The following SOS1 variants were observed in gnomAD, a reference collection of about 807,000 sequenced individuals.
The protein encoded by SOS1 is son of sevenless homolog 1.
In SOS1, 25 loss-of-function variants were observed where a neutral mutation model predicts 157.6. The observed-to-expected ratio is 0.16, with a 90% confidence interval of 0.12 to 0.22. The LOEUF is 0.22. SOS1 is among the 10% of genes least tolerant of loss of function. The probability of loss-of-function intolerance (pLI) is 1.00; values close to 1 mark genes in which losing one functional copy is unlikely to be tolerated. For synonymous variants in SOS1, 528 were observed against 534.0 expected, an observed-to-expected ratio of 0.99 and a Z score of 0.16; for missense variants, 1,237 against 1,599.1, an observed-to-expected ratio of 0.77 and a Z score of 3.86.
chr2:39,073,897 A>C (rs1671871100), intron 1 of SOS1, among the ~76,000 whole-genome samples: 1 of 152,210 alleles, frequency 6.6e-6, no homozygotes, highest in Admixed American at 6.5e-5. Flanking sequence ...TTTATTTAAA[A>C]ATATAAAGAC....
At chr2:39,010,959 G>GC (rs1406845050) in intron 14 of SOS1, among the ~76,000 whole-genome samples, 29 of 146,482 alleles carry the variant, frequency 2.0e-4, no homozygotes, top group African/African-American at 7.4e-4. Context: ...ACAATGGCAT[G>GC]ATCTTGGCTC....
In SOS1 at chr2:38,985,657, G is replaced by T. The variant is rs1668532961; in HGVS notation, c.*167C>A. ...TCTAAACTGGAATACCATTTCCATT[G>T]TATAATTACATCTAGGTTAAAATTC... On this transcript the variant is annotated 3_prime_UTR_variant, in exon 23 of 23. Coordinates refer to ENST00000402219, the MANE Select transcript of SOS1 (RefSeq NM_005633.4). 2 of 795,914 alleles carry T rather than the reference G, an allele frequency of 2.5e-6. No homozygotes were observed. Among genetic ancestry groups the T allele is most frequent in the Non-Finnish European group, 4.2e-6 (2 of 477,170 alleles). 49.3% of individuals were successfully genotyped at this position (795,914 alleles called of 1,614,324 possible).
At chr2:39,070,350 A>G (rs1333126204) in intron 1 of SOS1, among the ~76,000 whole-genome samples, 2 of 151,658 alleles carry the variant, frequency 1.3e-5, no homozygotes, top group East Asian at 3.9e-4. Context: ...CATTTCTGAA[A>G]CTCTTTCCTT....
chr2:38,982,405 T>C lies in SOS1; in HGVS notation c.*3419A>G, dbSNP rs1668427225. The C allele has an allele frequency of 6.6e-6, 1 of 152,172 alleles. No individual in the cohort carries two copies. The highest frequency in any genetic ancestry group is 1.5e-5 in the Non-Finnish European group (1 of 68,012). The allele number at this position is 152,172 out of a possible 1,614,324, so 9.4% of individuals were successfully genotyped here. A position where few individuals can be genotyped will look rare whatever the true frequency, so the allele number is the denominator to read the frequency against. On this transcript the variant is annotated 3_prime_UTR_variant, in exon 23 of 23. Coordinates refer to ENST00000402219, the MANE Select transcript of SOS1 (RefSeq NM_005633.4). ...TGAGATGTTTCAAAGAAGAAAAATATTGAATAAAGTCATCATGTTCCCTTA... is the reference window on the plus strand; with the variant it reads ...TGAGATGTTTCAAAGAAGAAAAATACTGAATAAAGTCATCATGTTCCCTTA...
intron 20 of SOS1, among the ~76,000 whole-genome samples, chr2:38,989,624 T>C (rs1325209930): frequency 6.6e-6 from 1 of 152,142 alleles, no homozygotes; most frequent in Admixed American, 6.5e-5. Context: ...AAAGTTCAGC[T>C]GGATGTATAT....
At chr2:39,116,090 T>C (rs1301194964) in intron 1 of SOS1, among the ~76,000 whole-genome samples, 1 of 152,274 alleles carries the variant, frequency 6.6e-6, no homozygotes, top group East Asian at 1.9e-4. Flanking sequence ...GCTTCATCTA[T>C]ATTTATGGCT....
intron 15 of SOS1, among the ~76,000 whole-genome samples, chr2:39,009,830 A>C (rs143356882): frequency 1.9e-3 from 287 of 152,316 alleles, no homozygotes; most frequent in South Asian, 8.1e-3. Flanking sequence ...GCTGATTCTG[A>C]TAAGATGTGT....
intron 13 of SOS1, 97 bp from the exon 14 acceptor site, chr2:39,012,445 G>GT (rs1456622029): frequency 2.2e-6 from 1 of 451,828 alleles, no homozygotes; most frequent in African/African-American, 2.1e-5. Context: ...ACACCTGAAT[G>GT]TATCTTTGCT....
rs1202752569 is a variant in SOS1, at chr2:39,013,782, C to T, written c.2063+85G>A. 5 of 1,195,362 alleles carry T rather than the reference C, an allele frequency of 4.2e-6. No homozygotes were observed. In the African/African-American group the frequency reaches 6.0e-5, roughly 14 times the overall value. 74.0% of individuals were successfully genotyped at this position (1,195,362 alleles called of 1,614,324 possible). On this transcript the variant is annotated intron_variant, in intron 12 of 22. Transcript: ENST00000402219. ...TACTAATTTTATTGTCACCCCTCTC[C>T]TTGTTTGGGAAAGGTCCTTATATAC...
chr2:39,101,009 A>C (rs1313858015), intron 1 of SOS1, among the ~76,000 whole-genome samples: 1 of 152,226 alleles, frequency 6.6e-6, no homozygotes, highest in Non-Finnish European at 1.5e-5. Context: ...CATTGCTATA[A>C]AGAAATACCT....
At chr2:39,117,431 G>A (rs181287185) in intron 1 of SOS1, among the ~76,000 whole-genome samples, 3 of 152,242 alleles carry the variant, frequency 2.0e-5, no homozygotes, top group Admixed American at 6.5e-5. Flanking sequence ...TCATAGATGC[G>A]GTGAAACAGA....
intron 17 of SOS1, among the ~76,000 whole-genome samples, chr2:39,004,110 T>C (rs1165859775): frequency 6.6e-6 from 1 of 152,018 alleles, no homozygotes; most frequent in Non-Finnish European, 1.5e-5. Context: ...TGAGATACAA[T>C]ACATATTAAA....
rs572306969 is a variant in SOS1, at chr2:39,075,542, G to C, written c.88-7789C>G. On this transcript the variant is annotated intron_variant, in intron 1 of 22. Transcript: ENST00000402219. ...TTGAAAGTCACGTGTGGTGGTTGACGCCTATAATCCCATCTACTTGGGAGG... is the reference window on the plus strand; with the variant it reads ...TTGAAAGTCACGTGTGGTGGTTGACCCCTATAATCCCATCTACTTGGGAGG... Among the ~76,000 whole-genome samples, 43 of 151,632 alleles carry C rather than the reference G, an allele frequency of 2.8e-4. No homozygotes were observed. The South Asian group carries it at 3.8e-3, about 13-fold the overall frequency.
intron 4 of SOS1, among the ~76,000 whole-genome samples, chr2:39,055,764 G>C (rs1044564279): frequency 5.3e-5 from 8 of 152,170 alleles, no homozygotes; most frequent in African/African-American, 1.9e-4. Context: ...TTCATAAAGT[G>C]AACATCCTTA....
chr2:39,010,551 G>A, intron 15 of SOS1, 33 bp downstream of exon 15: 1 of 1,589,044 alleles, frequency 6.3e-7, no homozygotes, highest in Middle Eastern at 1.7e-4. Context: ...ATAGCTGACA[G>A]CTATAAAATA....
intron 17 of SOS1, among the ~76,000 whole-genome samples, chr2:39,004,336 G>A (rs769252918): frequency 2.8e-5 from 4 of 144,668 alleles, no homozygotes; most frequent in Admixed American, 7.1e-5. Flanking sequence ...GGAGAATGGC[G>A]TGAACCTTGC....
chr2:39,092,865 G>A (rs1247741253), intron 1 of SOS1, among the ~76,000 whole-genome samples: 1 of 152,076 alleles, frequency 6.6e-6, no homozygotes, highest in Non-Finnish European at 1.5e-5. Context: ...TCCAAACTAG[G>A]CATTTGAGAA....
chr2:39,078,602 T>A (rs991940125), intron 1 of SOS1, among the ~76,000 whole-genome samples: 1 of 152,200 alleles, frequency 6.6e-6, no homozygotes, highest in African/African-American at 2.4e-5. Context: ...ATTCTCATTG[T>A]CATGGGACCG....
chr2:39,080,274 C>T (rs781082793), intron 1 of SOS1, among the ~76,000 whole-genome samples: 1 of 151,994 alleles, frequency 6.6e-6, no homozygotes, highest in Non-Finnish European at 1.5e-5. Context: ...CAGTTCACAA[C>T]AGGCTCCTGA....
Sources: gnomAD v4.1 joint callset for allele counts (sites outside exome capture counted in the v4.1 genomes callset) on GRCh38, gnomAD v4.1.1 for gene constraint, MANE v1.5 for transcripts, NCBI Gene and HGNC (gene_info 2026-07-23, HGNC 2026-07-21) for gene names.